Variants in WDR27 observed in about 807,000 individuals in gnomAD.
WDR27 encodes WD repeat-containing protein 27.
Under a neutral mutation model 114.4 loss-of-function variants are expected in WDR27, and 100 were observed. That is an observed-to-expected ratio of 0.87 (90% CI 0.74 to 1.03). The LOEUF is 1.03. Among genes scored for constraint, WDR27 ranks in the 50% least tolerant of loss-of-function variants. The pLI, the probability that WDR27 is intolerant of heterozygous loss-of-function variation, is 0.00. For synonymous variants in WDR27, 449 were observed against 423.1 expected, an observed-to-expected ratio of 1.06 and a Z score of -0.75; for missense variants, 1,129 against 1,092.9, an observed-to-expected ratio of 1.03 and a Z score of -0.47.
intron 21 of WDR27, among the ~76,000 whole-genome samples, chr6:169,632,703 A>T (rs1816718960): frequency 6.6e-6 from 1 of 152,250 alleles, no homozygotes; most frequent in Non-Finnish European, 1.5e-5. Flanking sequence ...ATGTTTTACT[A>T]GTAAAATCTT....
At chr6:169,587,675 A>G (rs1382246949) in intron 23 of WDR27, among the ~76,000 whole-genome samples, 4 of 152,174 alleles carry the variant, frequency 2.6e-5, no homozygotes, top group Non-Finnish European at 5.9e-5. Flanking sequence ...TAATGACTTC[A>G]CTTTTTCTTG....
intron 2 of WDR27, among the ~76,000 whole-genome samples, chr6:169,681,426 G>C (rs1781494228): frequency 6.6e-6 from 1 of 152,246 alleles, no homozygotes; most frequent in Admixed American, 6.5e-5. Context: ...GCAGAGCCAA[G>C]ATCTTAGAAG....
At chr6:169,569,366 A>G (rs536105332) in intron 25 of WDR27, among the ~76,000 whole-genome samples, 1 of 152,224 alleles carries the variant, frequency 6.6e-6, no homozygotes, top group South Asian at 2.1e-4. Context: ...ATTCATGTTC[A>G]GTTAACTCAC....
intron 25 of WDR27, among the ~76,000 whole-genome samples, chr6:169,564,682 C>A (rs756091848): frequency 7.0e-6 from 1 of 142,772 alleles, no homozygotes; most frequent in Non-Finnish European, 1.6e-5. Flanking sequence ...CTGGACAGAG[C>A]CCGGTGCTCA....
chr6:169,635,018 C>T (rs1403699300), intron 19 of WDR27, among the ~76,000 whole-genome samples: 3 of 152,136 alleles, frequency 2.0e-5, no homozygotes, highest in African/African-American at 4.8e-5. Flanking sequence ...CTGTGCCAGC[C>T]GAGATGGGAA....
chr6:169,664,449 T>G (rs114142186), intron 7 of WDR27, 163 bp from the exon 8 acceptor site: 2 of 1,486,924 alleles, frequency 1.3e-6, no homozygotes, highest in Non-Finnish European at 8.9e-7. Context: ...CAACATCCCC[T>G]CTGGAGGCCC....
At chr6:169,588,906 G>A (rs1269681325) in intron 23 of WDR27, among the ~76,000 whole-genome samples, 2 of 152,200 alleles carry the variant, frequency 1.3e-5, no homozygotes, top group Admixed American at 6.5e-5. Flanking sequence ...ACCATGACAG[G>A]TAGAGAGCAC....
chr6:169,472,736 T>A (rs16888048), intron 25 of WDR27, among the ~76,000 whole-genome samples: 3,077 of 152,314 alleles, frequency 0.02, 63 homozygotes, highest in East Asian at 0.07. Flanking sequence ...TGTGTGAGCA[T>A]TATTATTCTG....
chr6:169,544,139 C>T (rs1797156248), intron 25 of WDR27, among the ~76,000 whole-genome samples: 1 of 152,126 alleles, frequency 6.6e-6, no homozygotes, highest in African/African-American at 2.4e-5. Context: ...TAACATCACA[C>T]TTAATGGTGA....
At position 169,625,941 on chromosome 6, in the gene WDR27, C is replaced by T. The variant is rs76265531; in HGVS notation, c.2223+7006G>A. On this transcript the variant is annotated intron_variant, in intron 21 of 25. Coordinates refer to ENST00000448612, the MANE Select transcript of WDR27 (RefSeq NM_182552.5). ...CCAACCAGGGTGTGAGAGAATGGCC[C>T]AGCCCAGCAGCCCGGGCTTCATGTG... Among the ~76,000 whole-genome samples, 57 of 152,272 alleles carry T rather than the reference C, an allele frequency of 3.7e-4. 1 individual carries two copies. In the East Asian group the frequency reaches 9.9e-3, roughly 26 times the overall value.
At chr6:169,545,261 A>T (rs904480868) in intron 25 of WDR27, among the ~76,000 whole-genome samples, 1 of 152,254 alleles carries the variant, frequency 6.6e-6, no homozygotes, top group Non-Finnish European at 1.5e-5. Context: ...AAATATGCCC[A>T]ACCAATATTT....
intron 21 of WDR27, among the ~76,000 whole-genome samples, chr6:169,621,308 C>T (rs1298893850): frequency 7.1e-6 from 1 of 140,796 alleles, no homozygotes; most frequent in African/African-American, 2.6e-5. Context: ...ATATACATAC[C>T]CACACACGCA....
intron 2 of WDR27, among the ~76,000 whole-genome samples, chr6:169,681,291 C>T (rs998027757): frequency 6.6e-6 from 1 of 152,170 alleles, no homozygotes; most frequent in African/African-American, 2.4e-5. Context: ...CGGACATCAC[C>T]AAGCTGGTGA....
chr6:169,653,154 G>A (rs1823060986), intron 13 of WDR27, among the ~76,000 whole-genome samples: 1 of 152,230 alleles, frequency 6.6e-6, no homozygotes, highest in South Asian at 2.1e-4. Context: ...CACTCTCACA[G>A]GGGAGTTTCT....
intron 17 of WDR27, among the ~76,000 whole-genome samples, chr6:169,639,532 TG>T (rs1204942155): frequency 2.0e-5 from 3 of 152,116 alleles, no homozygotes; most frequent in African/African-American, 7.2e-5. Context: ...GTGACAGATT[TG>T]AAAAGTTTTG....
chr6:169,632,760 A>T (rs1203623996), intron 21 of WDR27, among the ~76,000 whole-genome samples, 187 bp downstream of exon 21: 1 of 152,238 alleles, frequency 6.6e-6, no homozygotes, highest in Non-Finnish European at 1.5e-5. Context: ...AAAACTTAAC[A>T]TTCAACATGA....
rs1177447443 is a variant in WDR27, at chr6:169,602,200, ACAGT to A, written c.2424+15_2424+18del. On this transcript the variant is annotated intron_variant, in intron 23 of 25. Transcript: ENST00000448612. ...AAGTCTAGACTCTCTACATTTATAG[ACAGT>A]CAAACAGTACATACGTGTCTGTCCT... The A allele has an allele frequency of 2.0e-6, 3 of 1,511,802 alleles. No individual in the cohort carries two copies. The highest frequency in any genetic ancestry group is 1.4e-5 in the African/African-American group (1 of 72,676). The allele number at this position is 1,511,802 out of a possible 1,614,324, so 93.6% of individuals were successfully genotyped here.
intron 25 of WDR27, among the ~76,000 whole-genome samples, chr6:169,535,069 C>T (rs1796058290): frequency 6.6e-6 from 1 of 152,114 alleles, no homozygotes. Context: ...AAAACAGCAC[C>T]AATCCAGGAT....
chr6:169,636,443 A>G lies in WDR27; in HGVS notation c.1931T>C (p.Ile644Thr). The G allele has an allele frequency of 6.2e-7, 1 of 1,613,964 alleles. No individual in the cohort carries two copies. The highest frequency in any genetic ancestry group is 1.7e-5 in the Admixed American group (1 of 60,026). The change falls in exon 19 of 26, where the codon ATA (isoleucine) becomes ACA (threonine). Residue 644 changes from isoleucine (I) to threonine (T), a missense_variant. Ile to Thr is a moderately conservative substitution (Grantham distance 89). Transcript: ENST00000448612. ...AAATTCAGGGCCAGAAGATAACAAT[A>G]TAAAGGCATCTATATAATAGAACTG... ...SAQFYYIDAFILLSSGPEFQL... is the reference protein window; with the variant it reads ...SAQFYYIDAFTLLSSGPEFQL...
Sources: allele counts gnomAD v4.1 joint callset (sites outside exome capture counted in the v4.1 genomes callset), GRCh38; gene constraint gnomAD v4.1.1; transcripts MANE v1.5; gene names NCBI Gene and HGNC (gene_info 2026-07-23, HGNC 2026-07-21).